The following EVC variants were observed in gnomAD, a reference collection of about 807,000 sequenced individuals.
The protein encoded by EVC is evC complex member EVC.
EVC carries 116 observed loss-of-function variants against 118.9 expected under a neutral mutation model. The observed-to-expected ratio is 0.98, with a 90% CI of 0.84 to 1.14. EVC has a LOEUF of 1.14. Among genes scored for constraint, EVC ranks in the 50% most tolerant of loss-of-function variants. The pLI is 0.00. For synonymous variants in EVC, 619 were observed against 534.7 expected (o/e 1.16, Z -2.18); for missense variants, 1,401 against 1,246.4 (o/e 1.12, Z -1.87).
chr4:5,803,507 T>A (rs553516528), intron 16 of EVC, among the ~76,000 whole-genome samples: 2 of 152,310 alleles, frequency 1.3e-5, no homozygotes, highest in Non-Finnish European at 2.9e-5. Flanking sequence ...TTGGTAGGCC[T>A]TGGTTTCCCC....
chr4:5,782,209 G>A (rs1735699527), intron 11 of EVC, among the ~76,000 whole-genome samples: 1 of 150,990 alleles, frequency 6.6e-6, no homozygotes, highest in South Asian at 2.1e-4. Flanking sequence ...AAGTAGCTGG[G>A]ATTACAGACG....
Position 5,793,718 on chromosome 4 carries a change from G to A in EVC, c.1886+1G>A. 6.5e-7 allele frequency: 1 copy of A among 1,548,752 alleles called. No homozygotes were observed. Among genetic ancestry groups the A allele is most frequent in the South Asian group, 1.2e-5 (1 of 83,946 alleles). On this transcript the variant is annotated splice_donor_variant, in intron 13 of 20. Coordinates refer to ENST00000264956, the MANE Select transcript of EVC (RefSeq NM_153717.3). LOFTEE classifies it high-confidence loss of function. ...GCCGACTGGGCGGCCTCACTGAAGA[G>A]TGAGTACAGCTCCCTGAAGGCCCAG...
At chr4:5,747,359 C>T (rs907690894) in intron 7 of EVC, among the ~76,000 whole-genome samples, 1 of 152,144 alleles carries the variant, frequency 6.6e-6, no homozygotes, top group Non-Finnish European at 1.5e-5. Flanking sequence ...CAACCTCAGC[C>T]GTGGAGTTAA....
intron 11 of EVC, among the ~76,000 whole-genome samples, chr4:5,767,004 GCT>G (rs1210136633): frequency 6.6e-6 from 1 of 150,746 alleles, no homozygotes; most frequent in East Asian, 2.0e-4. Flanking sequence ...CAGTTTTTCT[GCT>G]CTGTTTTTTC....
intron 13 of EVC, among the ~76,000 whole-genome samples, chr4:5,794,624 T>A (rs1007868524): frequency 1.4e-4 from 22 of 152,044 alleles, no homozygotes; most frequent in African/African-American, 5.1e-4. Flanking sequence ...TTGGCCAGGC[T>A]GGTCTCAAAC....
At position 5,715,740 on chromosome 4, in the gene EVC, C is replaced by CCTTTTTTTTTTTTTTTTTTTT. The variant is rs1553860016; in HGVS notation, c.175-3508_175-3507insCTTTTTTTTTTTTTTTTTTTT. On this transcript the variant is annotated intron_variant, in intron 1 of 20. Coordinates refer to ENST00000264956, the MANE Select transcript of EVC (RefSeq NM_153717.3). ...AATTTCGAAGGCATTTTTCCATTGT[C>CCTTTTTTTTTTTTTTTTTTTT]TTTTTTTTTTTTTTTTTTTTTGAGA... is the stretch of plus-strand genomic sequence containing the variant. Among the ~76,000 whole-genome samples the CCTTTTTTTTTTTTTTTTTTTT allele has an allele frequency of 5.2e-4, 37 of 70,992 alleles. 17 individuals are homozygous for CCTTTTTTTTTTTTTTTTTTTT. Among genetic ancestry groups the CCTTTTTTTTTTTTTTTTTTTT allele is most frequent in the Non-Finnish European group, 7.5e-4 (25 of 33,134 alleles). The allele number at this position is 70,992 out of a possible 152,430, so 46.6% of individuals were successfully genotyped here.
chr4:5,718,805 C>A (rs546520985), intron 1 of EVC, among the ~76,000 whole-genome samples: 4 of 152,214 alleles, frequency 2.6e-5, no homozygotes, highest in Admixed American at 6.5e-5. Flanking sequence ...AACTTAAGGT[C>A]ACCTAACATA....
At chr4:5,733,149 T>C (rs942286338) in intron 4 of EVC, among the ~76,000 whole-genome samples, 14 of 152,194 alleles carry the variant, frequency 9.2e-5, no homozygotes, top group Non-Finnish European at 2.1e-4. Flanking sequence ...AACTGTTCTC[T>C]TATGGCCATT....
Position 5,733,297 on chromosome 4 carries a change from C to T in EVC, c.618-54C>T, listed in dbSNP as rs1727136661. ...GATGAGGGACGTGCCAATATTCTTA[C>T]TCTTCATTTCCGATACCCTGAAAGT... On this transcript the variant is annotated intron_variant, in intron 4 of 20. Transcript: ENST00000264956. 4.1e-6 allele frequency: 6 copies of T among 1,455,164 alleles called. No individual in the cohort carries two copies. In the South Asian group the frequency reaches 4.6e-5, roughly 11 times the overall value. 90.1% of individuals were successfully genotyped at this position (1,455,164 alleles called of 1,614,324 possible). A position where few individuals can be genotyped will look rare whatever the true frequency, so the allele number is the denominator to read the frequency against.
rs1327663235 is a variant in EVC, at chr4:5,741,787, C to T, written c.774C>T (p.Tyr258=). The change falls in exon 6 of 21, where the codon TAC becomes TAT. Residue 258 remains tyrosine (Y), a synonymous_variant. Coordinates refer to ENST00000264956, the MANE Select transcript of EVC (RefSeq NM_153717.3). ...AAAAGAAGTCAGATGATGAACTATA[C>T]CAGAAGATCCTTTCAAAACAAGAAA... ...LPKKKSDDEL[Y]QKILSKQEKD... 1.3e-6 allele frequency: 2 copies of T among 1,525,566 alleles called. No individual in the cohort carries two copies. The highest frequency in any genetic ancestry group is 1.9e-4 in the Middle Eastern group (1 of 5,384). 94.5% of individuals were successfully genotyped at this position (1,525,566 alleles called of 1,614,324 possible). A position where few individuals can be genotyped will look rare whatever the true frequency, so the allele number is the denominator to read the frequency against.
At chr4:5,762,122 A>T (rs9996637) in intron 11 of EVC, among the ~76,000 whole-genome samples, 29 of 128,052 alleles carry the variant, frequency 2.3e-4, no homozygotes, top group Admixed American at 4.0e-4. Context: ...TCATTGTTCA[A>T]TTCCCACCTA....
the EVC span, chr4:5,825,831 G>A: frequency 1.9e-5 from 12 of 634,156 alleles, no homozygotes; most frequent in South Asian, 4.1e-5. This position sits in a 1 kb window ranked among gnomAD's most constrained non-coding sequence, Gnocchi z 4.4. Context: ...ACATGCAGCC[G>A]CACACAGGCA....
intron 18 of EVC, 69 bp from the exon 19 acceptor site, chr4:5,809,449 C>A: frequency 1.4e-6 from 2 of 1,383,206 alleles, no homozygotes; most frequent in Non-Finnish European, 1.0e-6. Context: ...AGAATTCACT[C>A]ACGTGGAGAG....
At chr4:5,782,355 G>GT (rs1735728707) in intron 11 of EVC, among the ~76,000 whole-genome samples, 1 of 149,144 alleles carries the variant, frequency 6.7e-6, no homozygotes, top group South Asian at 2.1e-4. Flanking sequence ...GATTACAAGC[G>GT]TGAGCCACCA....
In EVC at chr4:5,798,146, C is replaced by T. The variant is rs1333540369; in HGVS notation, c.2098-440C>T. Among the ~76,000 whole-genome samples the T allele has an allele frequency of 1.3e-5, 2 of 152,210 alleles. No individual in the cohort carries two copies. Among genetic ancestry groups the T allele is most frequent in the African/African-American group, 2.4e-5 (1 of 41,442 alleles). On this transcript the variant is annotated intron_variant, in intron 14 of 20. Coordinates refer to ENST00000264956, the MANE Select transcript of EVC (RefSeq NM_153717.3). The surrounding 1 kb of genome is among the most constrained non-coding windows in gnomAD (Gnocchi z 4.1). Reference sequence around the variant, plus strand: ...TCTTATTTCTACAAATAAAGGCAGTCCTCAGAGCCCTGTGTGCCCTGCCTC... The same window carrying T: ...TCTTATTTCTACAAATAAAGGCAGTTCTCAGAGCCCTGTGTGCCCTGCCTC...
At position 5,731,487 on chromosome 4, in the gene EVC, A is replaced by G. The variant is rs143250379; in HGVS notation, c.447A>G (p.Pro149=). The change falls in exon 4 of 21, where the codon CCA becomes CCG. Residue 149 remains proline, a synonymous_variant. Coordinates refer to ENST00000264956, the MANE Select transcript of EVC (RefSeq NM_153717.3). This position sits in a 1 kb window ranked among gnomAD's most constrained non-coding sequence, Gnocchi z 5.6. ...LHENLKQAVL[P]HQPVEASPSS... ...AAAACTTAAAGCAGGCTGTTTTGCC[A>G]CACCAGCCGGTAGAGGCCTCTCCTT... 8.1e-6 allele frequency: 13 copies of G among 1,612,890 alleles called. No homozygotes were observed. The highest frequency in any genetic ancestry group is 1.1e-5 in the Non-Finnish European group (13 of 1,179,896).
chr4:5,720,080 T>A (rs1724688955), intron 2 of EVC, among the ~76,000 whole-genome samples: 1 of 152,168 alleles, frequency 6.6e-6, no homozygotes, highest in African/African-American at 2.4e-5. Context: ...CCTTCCTCTA[T>A]CCACAGAACA....
chr4:5,727,346 G>A (rs1726020451), intron 2 of EVC, among the ~76,000 whole-genome samples: 1 of 152,122 alleles, frequency 6.6e-6, no homozygotes, highest in Admixed American at 6.5e-5. Context: ...TTTTTCATGT[G>A]TTTTTTGGCT....
intron 15 of EVC, among the ~76,000 whole-genome samples, chr4:5,799,891 G>T (rs1714664316): frequency 6.6e-6 from 1 of 152,206 alleles, no homozygotes; most frequent in Admixed American, 6.5e-5. Flanking sequence ...ATGTCACCCT[G>T]TCCCTAGAAC....
Sources: allele counts gnomAD v4.1 joint callset (sites outside exome capture counted in the v4.1 genomes callset), GRCh38; gene constraint gnomAD v4.1.1; non-coding constraint Gnocchi (gnomAD v3.1); transcripts MANE v1.5; gene names NCBI Gene and HGNC (gene_info 2026-07-23, HGNC 2026-07-21).